The following NGEF variants were observed in gnomAD, a reference collection of about 807,000 sequenced individuals.
The protein encoded by NGEF is ephexin-1.
NGEF carries 31 observed loss-of-function variants against 80.9 expected under a neutral mutation model. The ratio of observed to expected loss-of-function variants is 0.38; its 90% CI spans 0.29 to 0.52. The LOEUF (loss-of-function observed/expected upper bound fraction) is 0.52. Ranked by LOEUF, NGEF falls within the 20% of genes least tolerant of loss-of-function variation. The pLI, the probability that NGEF is intolerant of heterozygous loss-of-function variation, is 0.84. For missense variants in NGEF, 709 were observed against 926.2 expected (o/e 0.77, Z 3.04); for synonymous variants, 371 against 370.2 (o/e 1.00, Z -0.03).
At chr2:232,972,362 G>T (rs1039563333) in intron 2 of NGEF, among the ~76,000 whole-genome samples, 2 of 152,072 alleles carry the variant, frequency 1.3e-5, no homozygotes, top group Non-Finnish European at 2.9e-5. Context: ...GCATCTGCTG[G>T]GTTAATAAAA....
intron 3 of NGEF, among the ~76,000 whole-genome samples, chr2:232,943,473 GT>G (rs1277980548): frequency 6.6e-6 from 1 of 151,540 alleles, no homozygotes. Flanking sequence ...CGACTGTATA[GT>G]TGCCTTAAAG....
At chr2:232,968,386 C>T (rs972672719) in intron 3 of NGEF, among the ~76,000 whole-genome samples, 1 of 150,614 alleles carries the variant, frequency 6.6e-6, no homozygotes, top group Non-Finnish European at 1.5e-5. Context: ...CTGCACCTGG[C>T]CCAGACCTGG....
intron 1 of NGEF, among the ~76,000 whole-genome samples, chr2:232,977,758 G>A (rs181508614): frequency 4.6e-5 from 7 of 152,296 alleles, no homozygotes; most frequent in South Asian, 4.1e-4. Context: ...GGCAGGCCCC[G>A]AGCAGGAGGC....
chr2:232,960,489 A>T (rs1693926741), intron 3 of NGEF, among the ~76,000 whole-genome samples: 2 of 152,106 alleles, frequency 1.3e-5, no homozygotes, highest in Non-Finnish European at 2.9e-5. Context: ...GGCAGCCTGG[A>T]AAGGGGAGGT....
At chr2:232,978,812 C>G (rs1160941939) in intron 1 of NGEF, among the ~76,000 whole-genome samples, 1 of 152,204 alleles carries the variant, frequency 6.6e-6, no homozygotes, top group Non-Finnish European at 1.5e-5. Context: ...CTCACTGCAG[C>G]CTCGACCTCA....
chr2:232,895,674 G>A (rs995262128), intron 5 of NGEF, among the ~76,000 whole-genome samples: 5 of 152,128 alleles, frequency 3.3e-5, no homozygotes, highest in African/African-American at 1.2e-4. Context: ...AAGCGTCAGG[G>A]GAAACCGGCC....
chr2:232,933,405 C>T (rs1244987050), intron 3 of NGEF, among the ~76,000 whole-genome samples: 10 of 152,142 alleles, frequency 6.6e-5, no homozygotes, highest in Admixed American at 1.3e-4. Flanking sequence ...TCCTGTCACC[C>T]AGTGTGCCAA....
Position 232,894,766 on chromosome 2 carries a change from C to T in NGEF, c.979G>A (p.Val327Ile). Residue 327 changes from valine (V) to isoleucine (I), a missense_variant, in exon 6 of 15, where the codon GTC becomes ATC. By Grantham distance (29) the Val-to-Ile change is conservative (BLOSUM62 3). Transcript: ENST00000264051. ...LFSNVLDVLA[V>I]SERFLLELEH... ...CCCCCCCGTCCTCACCGCTCACTGA[C>T]AGCCAGCACGTCCAGGACGTTGGAG... 1 of 1,585,866 alleles carries T rather than the reference C, an allele frequency of 6.3e-7. No individual in the cohort carries two copies. Among genetic ancestry groups the T allele is most frequent in the Non-Finnish European group, 8.6e-7 (1 of 1,157,980 alleles).
intron 1 of NGEF, among the ~76,000 whole-genome samples, chr2:232,983,801 T>A (rs1361888192): frequency 6.6e-6 from 1 of 152,164 alleles, no homozygotes; most frequent in African/African-American, 2.4e-5. Flanking sequence ...TAATTTCTAA[T>A]ACAAACAACA....
chr2:232,977,126 A>G (rs1033640780), intron 1 of NGEF, among the ~76,000 whole-genome samples: 2 of 152,112 alleles, frequency 1.3e-5, no homozygotes, highest in African/African-American at 2.4e-5. Context: ...TGAGGTTGCA[A>G]TAAGAGCGAA....
In NGEF at chr2:232,970,401, A is replaced by C. The variant is rs954516755; in HGVS notation, c.269-73T>G. ...TTTTCAGGCAATTCTCTGTAAGCCT[A>C]GGACAGTAGCAGCAGTCATGCTGGA... On this transcript the variant is annotated intron_variant, in intron 2 of 14. Transcript: ENST00000264051. 12 of 976,418 alleles carry C rather than the reference A, an allele frequency of 1.2e-5. No individual in the cohort carries two copies. In the African/African-American group the frequency reaches 2.0e-4, roughly 17 times the overall value. 60.5% of individuals were successfully genotyped at this position (976,418 alleles called of 1,614,324 possible). A position where few individuals can be genotyped will look rare whatever the true frequency, so the allele number is the denominator to read the frequency against.
intron 3 of NGEF, among the ~76,000 whole-genome samples, chr2:232,956,596 G>A (rs1159187397): frequency 2.0e-5 from 3 of 151,870 alleles, no homozygotes; most frequent in Non-Finnish European, 4.4e-5. Flanking sequence ...GCGAAACTCC[G>A]TCTCTACTAA....
At chr2:232,911,781 A>C (rs549218041) in intron 5 of NGEF, among the ~76,000 whole-genome samples, 1 of 152,266 alleles carries the variant, frequency 6.6e-6, no homozygotes, top group East Asian at 1.9e-4. Context: ...AAATGGTATA[A>C]TTTTAATTTG....
intron 3 of NGEF, among the ~76,000 whole-genome samples, chr2:232,937,884 G>T (rs1394487719): frequency 1.3e-5 from 2 of 152,188 alleles, no homozygotes; most frequent in Admixed American, 6.5e-5. Flanking sequence ...AACTAGTTAT[G>T]ATCTGTCTGT....
chr2:232,931,581 A>G (rs1190122622), intron 3 of NGEF, among the ~76,000 whole-genome samples: 2 of 152,244 alleles, frequency 1.3e-5, no homozygotes, highest in East Asian at 3.8e-4. Flanking sequence ...AGAGAACACC[A>G]AGGGTGTGAT....
At chr2:232,971,687 TCAAA>T (rs1245710978) in intron 2 of NGEF, among the ~76,000 whole-genome samples, 3 of 152,166 alleles carry the variant, frequency 2.0e-5, no homozygotes, top group South Asian at 2.1e-4. Flanking sequence ...AGACTCCATC[TCAAA>T]CAAACAAACA....
In NGEF at chr2:232,879,502, C is replaced by T. The variant is rs748212920; in HGVS notation, c.2120G>A (p.Arg707Gln). The change falls in exon 15 of 15, where the codon CGG becomes CAG. Residue 707 changes from arginine (R) to glutamine (Q), a missense_variant. Physicochemically the swap from Arg to Gln is conservative, Grantham distance 43. Transcript: ENST00000264051. Reference sequence around the variant, plus strand: ...CCTGGGTGGGGGTCATTGCCGATTCCGGCTGCCCAGCTTCCTGCGGTCCTT... The same window carrying T: ...CCTGGGTGGGGGTCATTGCCGATTCTGGCTGCCCAGCTTCCTGCGGTCCTT... Reference protein sequence around the residue: ...QNKDRRKLGSRNRQ With the variant: ...QNKDRRKLGSQNRQ 8.7e-6 allele frequency: 14 copies of T among 1,605,108 alleles called. No individual in the cohort carries two copies. Among genetic ancestry groups the T allele is most frequent in the Middle Eastern group, 1.7e-4 (1 of 6,040 alleles).
At chr2:232,976,532 C>T (rs2106325134) in intron 1 of NGEF, among the ~76,000 whole-genome samples, 1 of 152,306 alleles carries the variant, frequency 6.6e-6, no homozygotes, top group Non-Finnish European at 1.5e-5. Flanking sequence ...TTAGGACTTT[C>T]TGGGTAGGGG....
At chr2:232,889,271 T>C (rs572131450) in intron 8 of NGEF, among the ~76,000 whole-genome samples, 5 of 152,350 alleles carry the variant, frequency 3.3e-5, no homozygotes, top group Non-Finnish European at 7.3e-5. Context: ...CCAGGTGGCA[T>C]TGGTGGCCTC....
Sources: gnomAD v4.1 joint callset for allele counts (sites outside exome capture counted in the v4.1 genomes callset) on GRCh38, gnomAD v4.1.1 for gene constraint, MANE v1.5 for transcripts, NCBI Gene and HGNC (gene_info 2026-07-23, HGNC 2026-07-21) for gene names.